CARHSP1: variants seen among roughly 807,000 people sequenced by gnomAD.
CARHSP1 encodes calcium regulated heat stable protein 1, also known as calcium-regulated heat-stable protein 1.
A neutral mutation model predicts 12.5 loss-of-function variants in CARHSP1; 14 were observed. That is an observed-to-expected ratio of 1.12 (90% confidence interval 0.74 to 1.75). CARHSP1 has a LOEUF of 1.75. Ranked by LOEUF, CARHSP1 falls within the 40% of genes most tolerant of loss-of-function variation. The pLI is 0.00. For missense variants in CARHSP1, 343 were observed against 201.6 expected, an observed-to-expected ratio of 1.70 and a Z score of -4.25; for synonymous variants, 161 against 82.0, an observed-to-expected ratio of 1.96 and a Z score of -5.20.
intron 3 of CARHSP1, among the ~76,000 whole-genome samples, chr16:8,856,346 G>C (rs2061106431): frequency 6.6e-6 from 1 of 152,226 alleles, no homozygotes; most frequent in African/African-American, 2.4e-5. Context: ...TTTGATTGGA[G>C]AATCGTATGG....
chr16:8,858,215 C>T, intron 3 of CARHSP1, 135 bp downstream of exon 3: 1 of 1,060,710 alleles, frequency 9.4e-7, no homozygotes, highest in East Asian at 2.6e-5. Context: ...GAGCACCAGC[C>T]ACAGGCAGAG....
At chr16:8,866,456 C>T in intron 1 of CARHSP1, 3 of 984,640 alleles carry the variant, frequency 3.0e-6, no homozygotes, top group Non-Finnish European at 3.6e-6. Flanking sequence ...TGTAAACAGA[C>T]AGAGACACTG....
In CARHSP1 at chr16:8,863,807, G is replaced by A. The variant is rs189506301; in HGVS notation, c.-7-4472C>T. ...CAGGCACCCAGAAGCCAGCTCTGAGGCCCTGGCCAGCCTCTGCTGTGTCCC... is the reference window on the plus strand; with the variant it reads ...CAGGCACCCAGAAGCCAGCTCTGAGACCCTGGCCAGCCTCTGCTGTGTCCC... On this transcript the variant is annotated intron_variant, in intron 1 of 3. Coordinates refer to ENST00000311052, the MANE Select transcript of CARHSP1 (RefSeq NM_014316.4). Among the ~76,000 whole-genome samples the A allele has an allele frequency of 1.2e-3, 188 of 152,328 alleles. 1 individual carries two copies. Among genetic ancestry groups the A allele is most frequent in the African/African-American group, 4.2e-3 (173 of 41,578 alleles).
At chr16:8,857,509 C>A (rs2061177587) in intron 3 of CARHSP1, 1 of 146,036 alleles carries the variant, frequency 6.8e-6, no homozygotes, top group Admixed American at 6.9e-5. Context: ...CCAGGCTGGT[C>A]TTGAAGTCCT....
intron 1 of CARHSP1, among the ~76,000 whole-genome samples, chr16:8,865,832 A>G (rs12931559): frequency 0.09 from 13,640 of 152,284 alleles, 927 homozygotes; most frequent in Non-Finnish European, 0.12. Context: ...TGAGGAAACT[A>G]AGGCACAGAG....
At position 8,855,346 on chromosome 16, in the gene CARHSP1, GCAGT is replaced by G. The variant is rs2061064734; in HGVS notation, c.282-24_282-21del. 1 of 1,506,328 alleles carries G rather than the reference GCAGT, an allele frequency of 6.6e-7. No individual in the cohort carries two copies. The highest frequency in any genetic ancestry group is 9.0e-7 in the Non-Finnish European group (1 of 1,117,232). The allele number at this position is 1,506,328 out of a possible 1,614,324, so 93.3% of individuals were successfully genotyped here. On this transcript the variant is annotated intron_variant, in intron 3 of 3. Coordinates refer to ENST00000311052, the MANE Select transcript of CARHSP1 (RefSeq NM_014316.4). ...TCCACACTACGGGGGCATAAATAAA[GCAGT>G]CAGGGCTCACACCGGGACACAGCTC...
rs138492587 is a variant in CARHSP1 at position 8,856,310 on chromosome 16, G to C, written c.282-984C>G. The stretch of plus-strand genomic sequence containing the variant: ...CTTCAGATGCTAAATGCAAGGGCCA[G>C]CCAGCTCCCCTAGTAACTGGTTTGT... On this transcript the variant is annotated intron_variant, in intron 3 of 3. Transcript: ENST00000311052. Among the ~76,000 whole-genome samples, 707 of 152,286 alleles carry C rather than the reference G, an allele frequency of 4.6e-3. 4 individuals carry two copies. The highest frequency in any genetic ancestry group is 8.2e-3 in the Non-Finnish European group (557 of 68,022).
intron 3 of CARHSP1, 88 bp downstream of exon 3, chr16:8,858,262 C>T: frequency 6.8e-7 from 1 of 1,477,678 alleles, no homozygotes; most frequent in East Asian, 2.3e-5. Context: ...ACACCCAGCG[C>T]CCATCAGAGT....
chr16:8,860,223 G>C (rs759058788), intron 1 of CARHSP1: 1 of 985,034 alleles, frequency 1.0e-6, no homozygotes, highest in African/African-American at 1.7e-5. Context: ...GGCCTGCTGC[G>C]AGAGCCCAAA....
At chr16:8,862,012 T>TTTTTTTTTTG (rs2061370756) in intron 1 of CARHSP1, among the ~76,000 whole-genome samples, 1 of 118,616 alleles carries the variant, frequency 8.4e-6, no homozygotes, top group African/African-American at 3.4e-5. Flanking sequence ...TTTTTTTTTT[T>TTTTTTTTTTG]TTTTTAATTT....
intron 1 of CARHSP1, among the ~76,000 whole-genome samples, chr16:8,865,502 T>C (rs774995906): frequency 4.0e-4 from 61 of 152,194 alleles, no homozygotes; most frequent in Non-Finnish European, 7.9e-4. Flanking sequence ...ACCTCACTCT[T>C]GGCAAAGCGA....
chr16:8,858,267 CAG>C lies in CARHSP1; in HGVS notation c.281+81_281+82del, dbSNP rs2061215910. ...ATTCGTCCTCACACCCAGCGCCCATCAGAGTCACACACCATCCCCACCTCCAC... is the reference window on the plus strand; with the variant it reads ...ATTCGTCCTCACACCCAGCGCCCATCAGTCACACACCATCCCCACCTCCAC... On this transcript the variant is annotated intron_variant, in intron 3 of 3. Transcript: ENST00000311052. 6 of 1,514,752 alleles carry C rather than the reference CAG, an allele frequency of 4.0e-6. No individual in the cohort carries two copies. The African/African-American group carries it at 5.5e-5, about 14-fold the overall frequency. The allele number at this position is 1,514,752 out of a possible 1,614,324, so 93.8% of individuals were successfully genotyped here.
intron 1 of CARHSP1, chr16:8,867,223 C>T (rs1596331892): frequency 2.0e-5 from 3 of 152,316 alleles, no homozygotes; most frequent in East Asian, 3.9e-4. Context: ...CCATCCTTCC[C>T]TCCATTCTCG....
Position 8,854,821 on chromosome 16 carries a change from GCCC to G in CARHSP1, c.*340_*342del, listed in dbSNP as rs2061044535. 5 of 185,278 alleles carry G rather than the reference GCCC, an allele frequency of 2.7e-5. No individual in the cohort carries two copies. The highest frequency in any genetic ancestry group is 2.5e-4 in the Admixed American group (4 of 16,102). The allele number at this position is 185,278 out of a possible 1,614,324, so 11.5% of individuals were successfully genotyped here. On this transcript the variant is annotated 3_prime_UTR_variant, in exon 4 of 4. Coordinates refer to ENST00000311052, the MANE Select transcript of CARHSP1 (RefSeq NM_014316.4). Reference sequence around the variant, plus strand: ...GAGGAAGAGGGATTCTGTGGGTTGAGCCCATGTGTCTGAGCAGCTGGAGAAATA... The same window carrying G: ...GAGGAAGAGGGATTCTGTGGGTTGAGATGTGTCTGAGCAGCTGGAGAAATA...
At chr16:8,866,432 C>G in intron 1 of CARHSP1, 19 of 985,302 alleles carry the variant, frequency 1.9e-5, no homozygotes, top group Non-Finnish European at 2.3e-5. Flanking sequence ...CTTAGTGCAC[C>G]TGGGTTCCTC....
chr16:8,855,771 T>A (rs1385935997), intron 3 of CARHSP1, among the ~76,000 whole-genome samples: 1 of 152,186 alleles, frequency 6.6e-6, no homozygotes, highest in Non-Finnish European at 1.5e-5. Flanking sequence ...AGCCCCTGGT[T>A]CCAGGAGTCT....
intron 3 of CARHSP1, among the ~76,000 whole-genome samples, chr16:8,856,097 C>CTTGTAATTA (rs2061094974): frequency 6.6e-6 from 1 of 152,226 alleles, no homozygotes; most frequent in South Asian, 2.1e-4. Context: ...GCGTGAGCCA[C>CTTGTAATTA]CACGCCTGGA....
chr16:8,861,158 ATTTTTTT>A (rs765114977), intron 1 of CARHSP1, among the ~76,000 whole-genome samples: 12 of 51,264 alleles, frequency 2.3e-4, no homozygotes, highest in African/African-American at 6.9e-4. Flanking sequence ...TCCATGCCTA[ATTTTTTT>A]TTTTTTTTTT....
At chr16:8,861,702 G>T (rs1476568939) in intron 1 of CARHSP1, 1 of 1,288,860 alleles carries the variant, frequency 7.8e-7, no homozygotes, top group Non-Finnish European at 1.0e-6. Flanking sequence ...CGCGGCCAAG[G>T]AGGAACTCCT....
Sources: allele counts gnomAD v4.1 joint callset (sites outside exome capture counted in the v4.1 genomes callset), GRCh38; gene constraint gnomAD v4.1.1; transcripts MANE v1.5; gene names NCBI Gene and HGNC (gene_info 2026-07-23, HGNC 2026-07-21).